The following ADAMTS6 variants were observed in gnomAD, a reference collection of about 807,000 sequenced individuals.
The protein encoded by ADAMTS6 is ADAM metallopeptidase with thrombospondin type 1 motif 6.
In ADAMTS6, 23 loss-of-function variants were observed where a neutral mutation model predicts 144.3. The observed-to-expected ratio is 0.16, with a 90% CI of 0.11 to 0.23. The LOEUF (loss-of-function observed/expected upper bound fraction) is 0.23. Ranked by LOEUF, ADAMTS6 falls within the 10% of genes least tolerant of loss-of-function variation. The probability of loss-of-function intolerance (pLI) is 1.00; values close to 1 mark genes in which losing one functional copy is unlikely to be tolerated. For synonymous variants in ADAMTS6, 444 were observed against 457.5 expected (o/e 0.97, Z 0.38); for missense variants, 999 against 1,379.6 (o/e 0.72, Z 4.37).
At chr5:65,302,817 C>T (rs1743570178) in intron 9 of ADAMTS6, among the ~76,000 whole-genome samples, 3 of 152,028 alleles carry the variant, frequency 2.0e-5, no homozygotes, top group Admixed American at 1.3e-4. Context: ...CAATTTTATA[C>T]GTATCCCTGT....
At chr5:65,314,328 G>A (rs1342465435) in intron 9 of ADAMTS6, among the ~76,000 whole-genome samples, 1 of 151,680 alleles carries the variant, frequency 6.6e-6, no homozygotes, top group Non-Finnish European at 1.5e-5. Flanking sequence ...AAAGAATCAC[G>A]CACATACACA....
rs1762195324 is a variant in ADAMTS6 at position 65,273,255 on chromosome 5, A to G, written c.1620+85T>C. 4.3e-6 allele frequency: 5 copies of G among 1,149,836 alleles called. No homozygotes were observed. The Admixed American group carries it at 5.3e-5, about 12-fold the overall frequency. 71.2% of individuals were successfully genotyped at this position (1,149,836 alleles called of 1,614,324 possible). ...TCAAGTAGATTTTAAATGAATATAT[A>G]AGACTTCCTGGTGGTTGAATATCAG... On this transcript the variant is annotated intron_variant, in intron 12 of 24. Transcript: ENST00000381055.
chr5:65,370,100 A>C (rs1750708685), intron 7 of ADAMTS6, among the ~76,000 whole-genome samples: 1 of 151,958 alleles, frequency 6.6e-6, no homozygotes, highest in African/African-American at 2.4e-5. Flanking sequence ...CTCAAAATGT[A>C]TGTTTTCATT....
At chr5:65,268,522 T>A (rs757622525) in intron 12 of ADAMTS6, among the ~76,000 whole-genome samples, 18 of 152,198 alleles carry the variant, frequency 1.2e-4, no homozygotes, top group Admixed American at 2.6e-4. Context: ...TGTAGGAGAC[T>A]GACCCATAGA....
chr5:65,307,393 T>G (rs1240976323), intron 9 of ADAMTS6, among the ~76,000 whole-genome samples: 1 of 152,166 alleles, frequency 6.6e-6, no homozygotes, highest in Non-Finnish European at 1.5e-5. Flanking sequence ...TTTAGTGAAG[T>G]GAACTGAATC....
chr5:65,436,243 C>T (rs530888373), intron 7 of ADAMTS6, among the ~76,000 whole-genome samples: 1 of 152,148 alleles, frequency 6.6e-6, no homozygotes, highest in South Asian at 2.1e-4. Flanking sequence ...CGCATGCACA[C>T]ACTCACAAAG....
At chr5:65,361,088 T>C (rs1443437110) in intron 7 of ADAMTS6, among the ~76,000 whole-genome samples, 1 of 152,116 alleles carries the variant, frequency 6.6e-6, no homozygotes, top group Non-Finnish European at 1.5e-5. Flanking sequence ...TTAGGACCAG[T>C]ATGGAAGTGA....
intron 12 of ADAMTS6, among the ~76,000 whole-genome samples, chr5:65,273,078 G>GCATTACTT (rs1376426988): frequency 3.9e-5 from 6 of 152,100 alleles, no homozygotes; most frequent in African/African-American, 1.4e-4. Flanking sequence ...GATTGTTGTT[G>GCATTACTT]CATTACTTTT....
At chr5:65,206,819 TTC>T (rs1209937051) in intron 20 of ADAMTS6, among the ~76,000 whole-genome samples, 83 of 124,402 alleles carry the variant, frequency 6.7e-4, no homozygotes, top group South Asian at 6.2e-3. Context: ...GCTGTTTTTT[TTC>T]TCTCTCTCTC....
intron 24 of ADAMTS6, among the ~76,000 whole-genome samples, chr5:65,155,426 C>T (rs1337121428): frequency 2.0e-5 from 3 of 152,062 alleles, no homozygotes; most frequent in Non-Finnish European, 4.4e-5. Flanking sequence ...GGGCTACAAA[C>T]CTGCACAGCA....
At chr5:65,192,299 A>G (rs1447564738) in intron 21 of ADAMTS6, among the ~76,000 whole-genome samples, 1 of 152,028 alleles carries the variant, frequency 6.6e-6, no homozygotes, top group African/African-American at 2.4e-5. Context: ...TATTTGCCCA[A>G]TTAGATTACC....
In ADAMTS6 at chr5:65,370,107, C is replaced by T. The variant is rs142044327; in HGVS notation, c.1074-36022G>A. Among the ~76,000 whole-genome samples, 184 of 152,032 alleles carry T rather than the reference C, an allele frequency of 1.2e-3. 3 individuals carry two copies. The highest frequency in any genetic ancestry group is 4.0e-3 in the African/African-American group (167 of 41,488). On this transcript the variant is annotated intron_variant, in intron 7 of 24. Coordinates refer to ENST00000381055, the MANE Select transcript of ADAMTS6 (RefSeq NM_197941.4). ...CAGTGAACCTCAAAATGTATGTTTT[C>T]ATTTAGAAAGAAATAAAAGCGGCCA...
In ADAMTS6 at chr5:65,313,178, C is replaced by G. The variant is rs1018810493; in HGVS notation, c.1224-13047G>C. On this transcript the variant is annotated intron_variant, in intron 9 of 24. Transcript: ENST00000381055. Reference sequence around the variant, plus strand: ...ACACACACACACACACACACACACACAGAGTTTATTCTGAAATTCCAGATA... The same window carrying G: ...ACACACACACACACACACACACACAGAGAGTTTATTCTGAAATTCCAGATA... 4.0e-3 allele frequency among the ~76,000 whole-genome samples: 577 copies of G among 144,174 alleles called. 2 individuals carry two copies. Among genetic ancestry groups the G allele is most frequent in the Non-Finnish European group, 6.7e-3 (437 of 65,690 alleles). The allele number at this position is 144,174 out of a possible 152,430, so 94.6% of individuals were successfully genotyped here. A position where few individuals can be genotyped will look rare whatever the true frequency, so the allele number is the denominator to read the frequency against.
At chr5:65,201,336 C>T (rs1580039098) in intron 20 of ADAMTS6, among the ~76,000 whole-genome samples, 1 of 152,266 alleles carries the variant, frequency 6.6e-6, no homozygotes, top group East Asian at 1.9e-4. Flanking sequence ...TCCTATCTTT[C>T]TCTTCTTTCA....
intron 9 of ADAMTS6, among the ~76,000 whole-genome samples, chr5:65,309,346 C>T (rs998481476): frequency 6.6e-6 from 1 of 151,378 alleles, no homozygotes; most frequent in Non-Finnish European, 1.5e-5. Context: ...AAAGAGTGGG[C>T]AATTAAGAAC....
intron 13 of ADAMTS6, among the ~76,000 whole-genome samples, chr5:65,261,185 C>A (rs1361840872): frequency 6.6e-6 from 1 of 151,990 alleles, no homozygotes; most frequent in East Asian, 1.9e-4. Context: ...CATCTTATTT[C>A]AAAATAGTCC....
At chr5:65,256,978 TCTCTC>T (rs1760719597) in intron 14 of ADAMTS6, among the ~76,000 whole-genome samples, 49 of 132,026 alleles carry the variant, frequency 3.7e-4, no homozygotes, top group African/African-American at 1.5e-3. Context: ...TCTCTCTCTC[TCTCTC>T]TCTTTTTTTT....
intron 7 of ADAMTS6, among the ~76,000 whole-genome samples, chr5:65,440,121 T>C (rs1173797699): frequency 6.6e-6 from 1 of 152,222 alleles, no homozygotes; most frequent in Non-Finnish European, 1.5e-5. Context: ...AATGTTTTTG[T>C]TCTTAGAAAG....
intron 18 of ADAMTS6, among the ~76,000 whole-genome samples, chr5:65,218,682 C>T (rs1289496188): frequency 6.6e-6 from 1 of 151,646 alleles, no homozygotes; most frequent in African/African-American, 2.4e-5. Context: ...GGAAGTATGC[C>T]AGATAATGGT....
Sources: allele counts gnomAD v4.1 joint callset (sites outside exome capture counted in the v4.1 genomes callset), GRCh38; gene constraint gnomAD v4.1.1; transcripts MANE v1.5; gene names NCBI Gene and HGNC (gene_info 2026-07-23, HGNC 2026-07-21).